USP53: variants seen among roughly 807,000 people sequenced by gnomAD.
USP53 encodes the protein ubiquitin carboxyl-terminal hydrolase 53.
Under a neutral mutation model 94.9 loss-of-function variants are expected in USP53, and 71 were observed. The ratio of observed to expected loss-of-function variants is 0.75; its 90% confidence interval spans 0.62 to 0.91. USP53 has a LOEUF of 0.91. USP53 is among the 40% of genes least tolerant of loss of function. The pLI is 0.00. For synonymous variants in USP53, 375 were observed against 422.7 expected (o/e 0.89, Z 1.39); for missense variants, 1,173 against 1,281.0 (o/e 0.92, Z 1.29).
chr4:119,274,102 TA>T (rs528438241), intron 17 of USP53, among the ~76,000 whole-genome samples: 4,289 of 150,450 alleles, frequency 0.029, 89 homozygotes, highest in Non-Finnish European at 0.051. Flanking sequence ...TTTATTTATT[TA>T]TTTTTTTATT....
chr4:119,239,586 GTCAGAGTCT>G lies in USP53; in HGVS notation c.-172_-164del. 1 of 689,446 alleles carries G rather than the reference GTCAGAGTCT, an allele frequency of 1.5e-6. No homozygotes were observed. Among genetic ancestry groups the G allele is most frequent in the East Asian group, 2.9e-5 (1 of 34,896 alleles). The allele number at this position is 689,446 out of a possible 1,614,324, so 42.7% of individuals were successfully genotyped here. A position where few individuals can be genotyped will look rare whatever the true frequency, so the allele number is the denominator to read the frequency against. On this transcript the variant is annotated 5_prime_UTR_variant, in exon 5 of 19. Transcript: ENST00000692078. ...ATGTTTATGCACCCTATTGTTACTTGTCAGAGTCTTTAAGAGTTTATAACATCAGGAAAG... is the reference window on the plus strand; with the variant it reads ...ATGTTTATGCACCCTATTGTTACTTGTTAAGAGTTTATAACATCAGGAAAG...
chr4:119,263,749 G>A (rs772210858), intron 12 of USP53, among the ~76,000 whole-genome samples: 1 of 152,062 alleles, frequency 6.6e-6, no homozygotes, highest in South Asian at 2.1e-4. Flanking sequence ...TAGGCTGAAG[G>A]TTGCTCTGGA....
intron 17 of USP53, among the ~76,000 whole-genome samples, chr4:119,290,643 A>G (rs2149484097): frequency 6.6e-6 from 1 of 152,314 alleles, no homozygotes; most frequent in South Asian, 2.1e-4. Context: ...CTATCATAAT[A>G]ACCTCCTACC....
At position 119,239,320 on chromosome 4, in the gene USP53, C is replaced by T. The variant is rs748890559; in HGVS notation, c.-440C>T. On this transcript the variant is annotated 5_prime_UTR_variant, in exon 5 of 19. Transcript: ENST00000692078. ...TCTTGTTAAAAAAACATAAGGAAAACAAACAACCAAAGGAATCATGCCAAA... is the reference window on the plus strand; with the variant it reads ...TCTTGTTAAAAAAACATAAGGAAAATAAACAACCAAAGGAATCATGCCAAA... The T allele has an allele frequency of 2.2e-4, 34 of 157,468 alleles. No homozygotes were observed. The highest frequency in any genetic ancestry group is 4.2e-4 in the Non-Finnish European group (30 of 71,868). The allele number at this position is 157,468 out of a possible 1,614,324, so 9.8% of individuals were successfully genotyped here.
At chr4:119,241,119 C>T (rs1747470021) in intron 5 of USP53, among the ~76,000 whole-genome samples, 2 of 152,060 alleles carry the variant, frequency 1.3e-5, no homozygotes, top group Non-Finnish European at 2.9e-5. Context: ...CTGTCCTTTT[C>T]ATTAGCACCC....
At chr4:119,261,576 C>A in intron 11 of USP53, 139 bp from the exon 12 acceptor site, 10 of 579,750 alleles carry the variant, frequency 1.7e-5, no homozygotes, top group Non-Finnish European at 2.4e-5. Context: ...GTGGTGCCTT[C>A]AAGTAATAAT....
At chr4:119,242,861 T>G (rs1316040041) in intron 5 of USP53, among the ~76,000 whole-genome samples, 1 of 152,216 alleles carries the variant, frequency 6.6e-6, no homozygotes, top group Non-Finnish European at 1.5e-5. Flanking sequence ...AAGAATTTAC[T>G]AAACACAGAC....
At chr4:119,241,108 T>C (rs1747469221) in intron 5 of USP53, among the ~76,000 whole-genome samples, 1 of 152,172 alleles carries the variant, frequency 6.6e-6, no homozygotes. Flanking sequence ...CCCCTCTGTT[T>C]CTGTCCTTTT....
At position 119,293,150 on chromosome 4, in the gene USP53, A is replaced by G. The variant is rs1377183581; in HGVS notation, c.3161A>G (p.His1054Arg). The change falls in exon 19 of 19, where the codon CAT (histidine) becomes CGT (arginine). Residue 1054 changes from histidine (H) to arginine (R), a missense_variant. Coordinates refer to ENST00000692078, the MANE Select transcript of USP53 (RefSeq NM_001371395.1). ...CMTDTYRLKYHQRPKLSFPES... is the reference protein window; with the variant it reads ...CMTDTYRLKYRQRPKLSFPES... ...ACGGATACATATAGATTGAAATACC[A>G]TCAGAGGCCCAAGCTCTCTTTTCCA... 1.9e-6 allele frequency: 3 copies of G among 1,612,898 alleles called. No individual in the cohort carries two copies. Among genetic ancestry groups the G allele is most frequent in the Admixed American group, 1.7e-5 (1 of 59,988 alleles).
intron 11 of USP53, among the ~76,000 whole-genome samples, chr4:119,261,257 C>T (rs372973062): frequency 3.3e-5 from 5 of 151,820 alleles, no homozygotes; most frequent in South Asian, 2.1e-4. Flanking sequence ...CACCACACCC[C>T]GCCATGATCT....
chr4:119,243,312 A>T (rs1221331070), intron 5 of USP53, among the ~76,000 whole-genome samples: 2 of 152,132 alleles, frequency 1.3e-5, no homozygotes, highest in Non-Finnish European at 2.9e-5. Flanking sequence ...AGCTTAGCGA[A>T]CATGGTGAAA....
intron 10 of USP53, among the ~76,000 whole-genome samples, 158 bp from the exon 11 acceptor site, chr4:119,260,349 A>C (rs1750336414): frequency 7.0e-6 from 1 of 142,832 alleles, no homozygotes; most frequent in South Asian, 2.1e-4. Flanking sequence ...CTTCTTTTTT[A>C]ATCAATAATT....
At chr4:119,281,502 T>A (rs889647782) in intron 17 of USP53, among the ~76,000 whole-genome samples, 1 of 152,218 alleles carries the variant, frequency 6.6e-6, no homozygotes, top group Non-Finnish European at 1.5e-5. Flanking sequence ...AACACTTATA[T>A]TAAGGAAATA....
rs1158429507 is a variant in USP53, at chr4:119,295,178, CCA to C, written c.*1968_*1969del. The stretch of plus-strand genomic sequence containing the variant: ...AGTTGTAGATATCAAATAGAAATGT[CCA>C]GTTTTGCCTCTTTTAAGTACTGTCC... On this transcript the variant is annotated 3_prime_UTR_variant, in exon 19 of 19. Transcript: ENST00000692078. The C allele has an allele frequency of 3.3e-5, 5 of 152,018 alleles. No homozygotes were observed. The highest frequency in any genetic ancestry group is 6.6e-5 in the Admixed American group (1 of 15,254). The allele number at this position is 152,018 out of a possible 1,614,324, so 9.4% of individuals were successfully genotyped here.
intron 5 of USP53, among the ~76,000 whole-genome samples, chr4:119,244,263 G>C (rs1747925372): frequency 6.6e-6 from 1 of 152,130 alleles, no homozygotes; most frequent in Non-Finnish European, 1.5e-5. Flanking sequence ...ACAGAAAAAT[G>C]GATCCTATTC....
intron 9 of USP53, 127 bp downstream of exon 9, chr4:119,256,650 GC>G (rs1396739986): frequency 1.1e-6 from 1 of 936,778 alleles, no homozygotes; most frequent in African/African-American, 1.6e-5. Flanking sequence ...CAAGTATGCT[GC>G]TGTGAGATGT....
chr4:119,248,818 C>A lies in USP53; in HGVS notation c.308C>A (p.Ala103Glu). ...TCAGATAACATAAGGCATGCTCTTG[C>A]AGAAAGTTTCAAAGATGAGCAGCGA... is the stretch of plus-strand genomic sequence containing the variant. ...LPSDNIRHAL[A>E]ESFKDEQRFQ... The change falls in exon 7 of 19, where the codon GCA becomes GAA. Residue 103 changes from alanine to glutamate, a missense_variant. Transcript: ENST00000692078. 1.2e-6 allele frequency: 2 copies of A among 1,614,106 alleles called. No individual in the cohort carries two copies. Among genetic ancestry groups the A allele is most frequent in the Non-Finnish European group, 1.7e-6 (2 of 1,180,040 alleles).
At chr4:119,223,864 T>G (rs1306366997) in intron 3 of USP53, among the ~76,000 whole-genome samples, 3 of 152,200 alleles carry the variant, frequency 2.0e-5, no homozygotes, top group Non-Finnish European at 4.4e-5. Flanking sequence ...GGAAAAAAGT[T>G]AGTTTAGTTT....
At chr4:119,282,496 A>G (rs1440054116) in intron 17 of USP53, among the ~76,000 whole-genome samples, 1 of 152,046 alleles carries the variant, frequency 6.6e-6, no homozygotes, top group Admixed American at 6.6e-5. Context: ...CTGTTTTAAT[A>G]GGTATCATAT....
Sources: allele counts gnomAD v4.1 joint callset (sites outside exome capture counted in the v4.1 genomes callset), GRCh38; gene constraint gnomAD v4.1.1; transcripts MANE v1.5; gene names NCBI Gene and HGNC (gene_info 2026-07-23, HGNC 2026-07-21).